RCOR1: variants seen among roughly 807,000 people sequenced by gnomAD.
RCOR1 encodes REST corepressor.
A neutral mutation model predicts 64.0 loss-of-function variants in RCOR1; 12 were observed. That is an observed-to-expected ratio of 0.19 (90% CI 0.12 to 0.30). RCOR1 has a LOEUF of 0.30. Among genes scored for constraint, RCOR1 ranks in the 10% least tolerant of loss-of-function variants. RCOR1 has a pLI of 1.00. For missense variants in RCOR1, 502 were observed against 621.2 expected (o/e 0.81, Z 2.04); for synonymous variants, 279 against 227.2 (o/e 1.23, Z -2.05).
At chr14:102,594,928 G>A (rs1203434847) in intron 2 of RCOR1, among the ~76,000 whole-genome samples, 2 of 152,050 alleles carry the variant, frequency 1.3e-5, no homozygotes, top group Non-Finnish European at 2.9e-5. Context: ...TGAGTAAGTT[G>A]GTAGGCTTTT....
intron 2 of RCOR1, chr14:102,658,341 C>CT (rs1894767066): frequency 5.1e-6 from 1 of 195,266 alleles, no homozygotes; most frequent in Non-Finnish European, 9.3e-6. Flanking sequence ...AGACCAGGCA[C>CT]GGTGGCTCAT....
chr14:102,599,671 A>G (rs1410165301), intron 2 of RCOR1, among the ~76,000 whole-genome samples: 1 of 152,176 alleles, frequency 6.6e-6, no homozygotes, highest in African/African-American at 2.4e-5. Context: ...TTCATGTGGA[A>G]TAGGTAATTT....
intron 3 of RCOR1, among the ~76,000 whole-genome samples, chr14:102,699,377 TA>T (rs1235166172): frequency 6.6e-6 from 1 of 152,246 alleles, no homozygotes; most frequent in Non-Finnish European, 1.5e-5. Context: ...CTGCAGTATA[TA>T]ATTAGTTATT....
chr14:102,724,838 A>C (rs1896230583), intron 11 of RCOR1, among the ~76,000 whole-genome samples: 1 of 151,970 alleles, frequency 6.6e-6, no homozygotes, highest in African/African-American at 2.4e-5. Context: ...GGTGTGTGTA[A>C]TTTCACCTTT....
At chr14:102,660,358 T>C (rs994987298) in intron 2 of RCOR1, among the ~76,000 whole-genome samples, 8 of 152,184 alleles carry the variant, frequency 5.3e-5, no homozygotes, top group African/African-American at 1.9e-4. Context: ...TAAAACTTTT[T>C]TTTTTTTCAT....
At chr14:102,701,217 C>T in intron 3 of RCOR1, 61 bp from the exon 4 acceptor site, 5 of 1,330,066 alleles carry the variant, frequency 3.8e-6, no homozygotes, top group Non-Finnish European at 5.4e-6. Context: ...TCAATTCTAG[C>T]AGACCATAGG....
intron 2 of RCOR1, among the ~76,000 whole-genome samples, chr14:102,598,107 C>CCACT (rs1321875109): frequency 6.6e-6 from 1 of 152,176 alleles, no homozygotes; most frequent in East Asian, 1.9e-4. Context: ...TAGGCGTGAG[C>CCACT]CACTGCGCAG....
chr14:102,646,284 C>G (rs577147848), intron 2 of RCOR1, among the ~76,000 whole-genome samples: 1 of 152,138 alleles, frequency 6.6e-6, no homozygotes, highest in African/African-American at 2.4e-5. Context: ...TTTAGTACTT[C>G]CTTCTTAACT....
chr14:102,701,459 G>A (rs765656126), intron 4 of RCOR1, 129 bp downstream of exon 4: 20 of 599,070 alleles, frequency 3.3e-5, no homozygotes, highest in Non-Finnish European at 4.7e-5. Context: ...ATTACTAGTA[G>A]TGTTACACAA....
chr14:102,596,757 G>A (rs1893258657), intron 2 of RCOR1, among the ~76,000 whole-genome samples: 1 of 151,792 alleles, frequency 6.6e-6, no homozygotes, highest in Non-Finnish European at 1.5e-5. Context: ...TAGAGATGCG[G>A]TTTCACCATG....
At chr14:102,622,060 T>C (rs147923193) in intron 2 of RCOR1, among the ~76,000 whole-genome samples, 132 of 152,336 alleles carry the variant, frequency 8.7e-4, no homozygotes, top group African/African-American at 3.2e-3. Context: ...AAAAGTAACA[T>C]TTTGTTTTAT....
chr14:102,634,159 T>C (rs1446629534), intron 2 of RCOR1, among the ~76,000 whole-genome samples: 1 of 152,072 alleles, frequency 6.6e-6, no homozygotes, highest in Non-Finnish European at 1.5e-5. Context: ...GTGGTGTCAA[T>C]GAAAATTCTC....
intron 2 of RCOR1, among the ~76,000 whole-genome samples, chr14:102,664,918 A>G (rs540390536): frequency 1.3e-5 from 2 of 152,344 alleles, no homozygotes; most frequent in East Asian, 1.9e-4. Context: ...CAAAAGTGAT[A>G]CACACTCAGT....
chr14:102,665,778 A>C (rs1237798980), intron 2 of RCOR1, among the ~76,000 whole-genome samples: 1 of 152,194 alleles, frequency 6.6e-6, no homozygotes, highest in Non-Finnish European at 1.5e-5. Flanking sequence ...GGACTACAAC[A>C]GTTCTTATCT....
At chr14:102,668,790 GTTTAGC>G (rs1894970890) in intron 2 of RCOR1, among the ~76,000 whole-genome samples, 1 of 152,096 alleles carries the variant, frequency 6.6e-6, no homozygotes, top group African/African-American at 2.4e-5. Context: ...GAAAAAATCT[GTTTAGC>G]TTTTAAATTC....
intron 2 of RCOR1, among the ~76,000 whole-genome samples, chr14:102,665,190 A>T (rs933678641): frequency 4.0e-5 from 6 of 151,894 alleles, no homozygotes; most frequent in Non-Finnish European, 8.8e-5. Flanking sequence ...TTTTTAGTAG[A>T]GATAGAGTTT....
intron 2 of RCOR1, chr14:102,659,170 G>T: frequency 1.0e-6 from 1 of 984,900 alleles, no homozygotes; most frequent in Non-Finnish European, 1.2e-6. Context: ...TTAAAAAGAA[G>T]CTCTTTAGAT....
chr14:102,723,806 T>C (rs1219727269), intron 11 of RCOR1, among the ~76,000 whole-genome samples: 1 of 152,190 alleles, frequency 6.6e-6, no homozygotes, highest in Non-Finnish European at 1.5e-5. Context: ...GTTTTCCGGC[T>C]TCGGTCCCAG....
At chr14:102,716,168 C>T (rs1896065415) in intron 8 of RCOR1, among the ~76,000 whole-genome samples, 1 of 152,152 alleles carries the variant, frequency 6.6e-6, no homozygotes, top group Non-Finnish European at 1.5e-5. Flanking sequence ...ACCTTTTCAT[C>T]CATTTGTTGG....
Sources: allele counts gnomAD v4.1 joint callset (sites outside exome capture counted in the v4.1 genomes callset), GRCh38; gene constraint gnomAD v4.1.1; transcripts MANE v1.5; gene names NCBI Gene and HGNC (gene_info 2026-07-23, HGNC 2026-07-21).